Variants in SMAP2 observed in about 807,000 individuals in gnomAD.
SMAP2 encodes the protein small ArfGAP2.
SMAP2 carries 25 observed loss-of-function variants against 56.4 expected under a neutral mutation model. The observed-to-expected ratio is 0.44, with a 90% confidence interval of 0.32 to 0.62. SMAP2 has a LOEUF of 0.62. Ranked by LOEUF, SMAP2 falls within the 20% of genes least tolerant of loss-of-function variation. The pLI is 0.04. For missense variants in SMAP2, 388 were observed against 545.6 expected, an observed-to-expected ratio of 0.71 and a Z score of 2.88; for synonymous variants, 157 against 181.7, an observed-to-expected ratio of 0.86 and a Z score of 1.09.
intron 1 of SMAP2, among the ~76,000 whole-genome samples, chr1:40,379,116 C>G (rs1410884830): frequency 6.6e-6 from 1 of 151,328 alleles, no homozygotes; most frequent in African/African-American, 2.4e-5. Context: ...AGTAGCTGGG[C>G]GCCCACCACC....
chr1:40,379,707 T>C (rs2124222269), intron 1 of SMAP2, among the ~76,000 whole-genome samples: 1 of 152,108 alleles, frequency 6.6e-6, no homozygotes, highest in Admixed American at 6.5e-5. Flanking sequence ...AATTTTTATA[T>C]TTTTAGCAGA....
In SMAP2 at chr1:40,374,093, G is replaced by C; in HGVS notation, c.-28G>C. 1 of 1,575,474 alleles carries C rather than the reference G, an allele frequency of 6.3e-7. No homozygotes were observed. The highest frequency in any genetic ancestry group is 1.3e-5 in the African/African-American group (1 of 74,386). The stretch of plus-strand genomic sequence containing the variant: ...TCTCTGGGGGCGAGGAGGGCGCGTC[G>C]CCCTCTGCCCCCGCCGGCACCCTGG... On this transcript the variant is annotated 5_prime_UTR_variant, in exon 1 of 10. Transcript: ENST00000372718. The surrounding 1 kb of genome is among the most constrained non-coding windows in gnomAD (Gnocchi z 5.9).
chr1:40,357,253 G>A (rs12746523), intron 1 of SMAP2, among the ~76,000 whole-genome samples: 10,130 of 152,004 alleles, frequency 0.067, 345 homozygotes, highest in East Asian at 0.11. Context: ...TCAGGAGTTC[G>A]AGACCAGCCT....
chr1:40,417,475 C>T (rs1023006617), intron 9 of SMAP2, among the ~76,000 whole-genome samples: 7 of 152,098 alleles, frequency 4.6e-5, no homozygotes, highest in Admixed American at 2.0e-4. Context: ...AACACCAAAT[C>T]CAGCGGAGCC....
rs917676013 is a variant in SMAP2 at position 40,374,313 on chromosome 1, C to T, written c.103+90C>T. 1.4e-5 allele frequency: 15 copies of T among 1,093,572 alleles called. 1 individual carries two copies. The Admixed American group carries it at 2.6e-4, about 19-fold the overall frequency. 67.7% of individuals were successfully genotyped at this position (1,093,572 alleles called of 1,614,324 possible). A position where few individuals can be genotyped will look rare whatever the true frequency, so the allele number is the denominator to read the frequency against. On this transcript the variant is annotated intron_variant, in intron 1 of 9. Transcript: ENST00000372718. This position sits in a 1 kb window ranked among gnomAD's most constrained non-coding sequence, Gnocchi z 5.9. ...GAAGAGGCGGTTTCTGAAGCTTAGG[C>T]CGCCCAACTCGGCTTATAAGTGGTA...
rs971156373 is a variant in SMAP2 at position 40,386,316 on chromosome 1, C to G, written c.103+12093C>G. ...TTTGGAACAGGGATTGACTTTGTCTCTCTGAAAGTAGGCATGAAGAGTTCG... is the reference window on the plus strand; with the variant it reads ...TTTGGAACAGGGATTGACTTTGTCTGTCTGAAAGTAGGCATGAAGAGTTCG... On this transcript the variant is annotated intron_variant, in intron 1 of 9. Coordinates refer to ENST00000372718, the MANE Select transcript of SMAP2 (RefSeq NM_022733.3). This position sits in a 1 kb window ranked among gnomAD's most constrained non-coding sequence, Gnocchi z 4.1. Among the ~76,000 whole-genome samples, 1 of 152,216 alleles carries G rather than the reference C, an allele frequency of 6.6e-6. No homozygotes were observed. Among genetic ancestry groups the G allele is most frequent in the Non-Finnish European group, 1.5e-5 (1 of 68,046 alleles).
intron 1 of SMAP2, chr1:40,375,813 T>C: frequency 1.0e-6 from 1 of 956,532 alleles, no homozygotes. Context: ...CAGATGCCAT[T>C]TTGGTGACTA....
chr1:40,384,950 A>G (rs1191579809), intron 1 of SMAP2, among the ~76,000 whole-genome samples: 2 of 152,044 alleles, frequency 1.3e-5, no homozygotes, highest in Non-Finnish European at 2.9e-5. Context: ...CGTTTCCCAC[A>G]CTTTCTCCTT....
chr1:40,358,734 T>A (rs1644447691), intron 1 of SMAP2, among the ~76,000 whole-genome samples: 1 of 152,226 alleles, frequency 6.6e-6, no homozygotes, highest in Admixed American at 6.5e-5. Flanking sequence ...ATCTATTAGG[T>A]TCATTCGATT....
intron 1 of SMAP2, among the ~76,000 whole-genome samples, chr1:40,351,568 G>A (rs545990502): frequency 3.3e-5 from 5 of 152,144 alleles, no homozygotes; most frequent in Admixed American, 2.0e-4. Context: ...GCGATGGCAC[G>A]ATCTTGGCTC....
At chr1:40,411,580 A>G (rs906438401) in intron 4 of SMAP2, among the ~76,000 whole-genome samples, 2 of 152,216 alleles carry the variant, frequency 1.3e-5, no homozygotes, top group African/African-American at 4.8e-5. Context: ...CCATTTACCA[A>G]AAAGCTATTT....
chr1:40,415,419 T>C, intron 7 of SMAP2, 38 bp downstream of exon 7: 2 of 1,303,212 alleles, frequency 1.5e-6, no homozygotes, highest in South Asian at 1.2e-5. Context: ...AAGAACATTC[T>C]GAAATGGGTG....
chr1:40,364,388 G>C (rs2935895), intron 2 of SMAP2, among the ~76,000 whole-genome samples: 39,778 of 152,000 alleles, frequency 0.26, 5,536 homozygotes, highest in Middle Eastern at 0.42. Flanking sequence ...CCAGGAGTTT[G>C]AGACAGCCTG....
At chr1:40,415,235 A>G (rs999978300) in intron 6 of SMAP2, 37 bp from the exon 7 acceptor site, 4 of 1,473,014 alleles carry the variant, frequency 2.7e-6, no homozygotes, top group Non-Finnish European at 3.8e-6. Context: ...GGGCTTAATA[A>G]GCAGTGCTGC....
intron 1 of SMAP2, among the ~76,000 whole-genome samples, chr1:40,399,310 ATTTTT>A (rs747127620): frequency 1.2e-4 from 11 of 91,954 alleles, no homozygotes; most frequent in Admixed American, 9.9e-4. Flanking sequence ...ACGTGTGGCT[ATTTTT>A]TTTTTTTTTT....
At chr1:40,413,264 C>T (rs898653673) in intron 5 of SMAP2, among the ~76,000 whole-genome samples, 162 bp downstream of exon 5, 7 of 152,104 alleles carry the variant, frequency 4.6e-5, no homozygotes, top group Admixed American at 2.0e-4. Context: ...TCTGCTCTCT[C>T]GTTACCAGTT....
chr1:40,396,140 A>G lies in SMAP2; in HGVS notation c.104-10596A>G, dbSNP rs141758887. ...CTTCTGCTAGAATCTCCAAACCTCC[A>G]TCTTTATCTTTCATACTTTGATATA... is the stretch of plus-strand genomic sequence containing the variant. On this transcript the variant is annotated intron_variant, in intron 1 of 9. Transcript: ENST00000372718. Among the ~76,000 whole-genome samples, 4 of 152,246 alleles carry G rather than the reference A, an allele frequency of 2.6e-5. No homozygotes were observed. The East Asian group carries it at 7.7e-4, about 29-fold the overall frequency.
chr1:40,362,083 A>G (rs1472866918), intron 1 of SMAP2, among the ~76,000 whole-genome samples: 1 of 152,118 alleles, frequency 6.6e-6, no homozygotes, highest in African/African-American at 2.4e-5. Flanking sequence ...AGGCCAGGGG[A>G]GAGAGTATGA....
chr1:40,391,057 C>T (rs1472416430), intron 1 of SMAP2, among the ~76,000 whole-genome samples: 1 of 152,104 alleles, frequency 6.6e-6, no homozygotes, highest in Non-Finnish European at 1.5e-5. Flanking sequence ...GTTTAGGAGC[C>T]AGCATTCCTG....
Sources: allele counts gnomAD v4.1 joint callset (sites outside exome capture counted in the v4.1 genomes callset), GRCh38; gene constraint gnomAD v4.1.1; non-coding constraint Gnocchi (gnomAD v3.1); transcripts MANE v1.5; gene names NCBI Gene and HGNC (gene_info 2026-07-23, HGNC 2026-07-21).